The following PRMT7 variants were observed in gnomAD, a reference collection of about 807,000 sequenced individuals.
PRMT7 encodes protein arginine N-methyltransferase 7.
A neutral mutation model predicts 85.4 loss-of-function variants in PRMT7; 75 were observed. The ratio of observed to expected loss-of-function variants is 0.88; its 90% CI spans 0.73 to 1.06. The LOEUF is 1.06. PRMT7 is among the 50% of genes least tolerant of loss of function. The probability of loss-of-function intolerance (pLI) is 0.00; values close to 1 mark genes in which losing one functional copy is unlikely to be tolerated. For missense variants in PRMT7, 868 were observed against 915.2 expected, an observed-to-expected ratio of 0.95 and a Z score of 0.67; for synonymous variants, 397 against 359.5, an observed-to-expected ratio of 1.10 and a Z score of -1.18.
At chr16:68,324,462 A>G in intron 4 of PRMT7, 1 of 580,900 alleles carries the variant, frequency 1.7e-6, no homozygotes, top group Non-Finnish European at 3.1e-6. Flanking sequence ...TTAGTAGAGG[A>G]TAGAAGAGTG....
At position 68,357,339 on chromosome 16, in the gene PRMT7, A is replaced by G; in HGVS notation, c.*115A>G. 5 of 1,183,058 alleles carry G rather than the reference A, an allele frequency of 4.2e-6. No individual in the cohort carries two copies. Among genetic ancestry groups the G allele is most frequent in the Non-Finnish European group, 5.9e-6 (5 of 844,720 alleles). The allele number at this position is 1,183,058 out of a possible 1,614,324, so 73.3% of individuals were successfully genotyped here. ...CTCTGGGAGCTGCTCGGCCTCAGGG[A>G]TGGGAAAGACTGCGCCGTGTTGCAT... On this transcript the variant is annotated 3_prime_UTR_variant, in exon 19 of 19. Transcript: ENST00000441236.
Position 68,346,208 on chromosome 16 carries a change from C to G in PRMT7, c.1119C>G (p.Leu373=), listed in dbSNP as rs549647187. The G allele has an allele frequency of 1.1e-5, 17 of 1,614,202 alleles. No homozygotes were observed. In the South Asian group the frequency reaches 1.5e-4, roughly 15 times the overall value. ...RPVCDCQAHL[L]WNRPRFGEIN... ...TGTGTGACTGCCAGGCTCACCTGCT[C>G]TGGAACCGGCCTCGGTTTGGAGAGA... Residue 373 remains leucine, a synonymous_variant, in exon 11 of 19, where the codon CTC becomes CTG. Transcript: ENST00000441236.
chr16:68,339,093 G>C (rs566618451), intron 7 of PRMT7, among the ~76,000 whole-genome samples: 41 of 152,326 alleles, frequency 2.7e-4, no homozygotes, highest in Non-Finnish European at 5.6e-4. Flanking sequence ...GAACTTAGCT[G>C]ACAGAAGTCA....
intron 6 of PRMT7, among the ~76,000 whole-genome samples, chr16:68,334,094 A>G (rs781765355): frequency 1.3e-5 from 2 of 152,182 alleles, no homozygotes; most frequent in Admixed American, 6.5e-5. Flanking sequence ...TTTTCTTCAT[A>G]GCGCTTACCA....
At chr16:68,343,686 G>A (rs2085887151) in intron 9 of PRMT7, among the ~76,000 whole-genome samples, 1 of 152,222 alleles carries the variant, frequency 6.6e-6, no homozygotes, top group African/African-American at 2.4e-5. Context: ...TTTGCATAGT[G>A]TGGGAATGAA....
chr16:68,348,811 G>C (rs182368813), intron 14 of PRMT7, among the ~76,000 whole-genome samples: 2 of 145,610 alleles, frequency 1.4e-5, no homozygotes, highest in Admixed American at 6.7e-5. Flanking sequence ...GCTAATTTTT[G>C]TATTTTTTGT....
chr16:68,319,378 G>C (rs2082224453), intron 3 of PRMT7, among the ~76,000 whole-genome samples: 1 of 152,112 alleles, frequency 6.6e-6, no homozygotes, highest in African/African-American at 2.4e-5. Context: ...GAGGCACTGG[G>C]AAGTCCCAGA....
intron 3 of PRMT7, among the ~76,000 whole-genome samples, chr16:68,318,196 T>C (rs1330201189): frequency 1.5e-5 from 1 of 66,916 alleles, no homozygotes; most frequent in Non-Finnish European, 2.8e-5. Context: ...AAATATTTAC[T>C]TTTTTTTCTT....
In PRMT7 at chr16:68,339,893, T is replaced by G; in HGVS notation, c.852T>G (p.Ile284Met). Residue 284 changes from isoleucine to methionine, a missense_variant, in exon 9 of 19, where the codon ATT becomes ATG. Physicochemically the swap from Ile to Met is conservative, Grantham distance 10. Coordinates refer to ENST00000441236, the MANE Select transcript of PRMT7 (RefSeq NM_019023.5). ...RAQVVLSWWD[I>M]EMDPEGKIKC... ...AGGTGGTTCTCTCGTGGTGGGACAT[T>G]GAAATGGACCCTGAGGGGAAGATCA... is the stretch of plus-strand genomic sequence containing the variant. The G allele has an allele frequency of 6.2e-7, 1 of 1,614,130 alleles. No individual in the cohort carries two copies. Among genetic ancestry groups the G allele is most frequent in the South Asian group, 1.1e-5 (1 of 91,074 alleles).
downstream of PRMT7, chr16:68,360,564 TTTC>T (rs1812271223): frequency 6.5e-6 from 1 of 152,986 alleles, no homozygotes; most frequent in African/African-American, 2.4e-5. Context: ...TTTTTCTGTT[TTTC>T]TTTTTAAAAT....
chr16:68,342,992 G>A (rs963294253), intron 9 of PRMT7, among the ~76,000 whole-genome samples: 2 of 152,190 alleles, frequency 1.3e-5, no homozygotes, highest in African/African-American at 2.4e-5. Context: ...ATCACCTGAG[G>A]TCAGGAGTTC....
chr16:68,352,015 C>T (rs1304786225), intron 14 of PRMT7: 3 of 459,400 alleles, frequency 6.5e-6, no homozygotes, highest in East Asian at 3.8e-5. Context: ...GTAATCTTTA[C>T]AGCCTCCAGG....
At position 68,355,975 on chromosome 16, in the gene PRMT7, G is replaced by A. The variant is rs544008192; in HGVS notation, c.1811+92G>A. ...GGTGAGCACAGCTGGCCTGGGAGAC[G>A]CTGACACGTGGAGGGGGTATTCGTC... On this transcript the variant is annotated intron_variant, in intron 17 of 18. Transcript: ENST00000441236. The A allele has an allele frequency of 2.1e-4, 272 of 1,314,432 alleles. 1 individual carries two copies. The South Asian group carries it at 4.2e-3, about 20-fold the overall frequency. The allele number at this position is 1,314,432 out of a possible 1,614,324, so 81.4% of individuals were successfully genotyped here.
rs1203793119 is a variant in PRMT7, at chr16:68,353,506, C to G, written c.1590C>G (p.Ile530Met). The G allele has an allele frequency of 6.2e-7, 1 of 1,609,254 alleles. No homozygotes were observed. Among genetic ancestry groups the G allele is most frequent in the Non-Finnish European group, 8.5e-7 (1 of 1,178,018 alleles). The change falls in exon 16 of 19, where the codon ATC becomes ATG. Residue 530 changes from isoleucine (I) to methionine (M), a missense_variant. Ile to Met is a conservative substitution (Grantham distance 10). Coordinates refer to ENST00000441236, the MANE Select transcript of PRMT7 (RefSeq NM_019023.5). ...VVVEFRDLWR[I>M]RSPCGDCEGF... ...CTTCCTCACAGGACCTGTGGCGGAT[C>G]CGGAGCCCCTGTGGTGACTGCGAAG...
rs760387419 is a variant in PRMT7, at chr16:68,315,956, A to G, written c.-24A>G. 4 of 1,608,388 alleles carry G rather than the reference A, an allele frequency of 2.5e-6. No individual in the cohort carries two copies. Among genetic ancestry groups the G allele is most frequent in the South Asian group, 2.2e-5 (2 of 90,516 alleles). On this transcript the variant is annotated 5_prime_UTR_variant, in exon 3 of 19. Transcript: ENST00000441236. ...ACTGGCAAGGCTGCTTTTCTGTGCT[A>G]AAACTGGGGAGCTAGTGGGCACCAT...
At chr16:68,329,381 G>T in intron 6 of PRMT7, 1 of 414,948 alleles carries the variant, frequency 2.4e-6, no homozygotes, top group South Asian at 3.3e-5. Context: ...ACTAGAGCTA[G>T]TCAGGTCCAG....
intron 5 of PRMT7, among the ~76,000 whole-genome samples, chr16:68,325,282 C>G (rs527737925): frequency 9.9e-4 from 151 of 152,296 alleles, no homozygotes; most frequent in Middle Eastern, 3.4e-3. Flanking sequence ...ATCTCTTGAG[C>G]CCGGAAAGTC....
intron 4 of PRMT7, chr16:68,322,489 C>T (rs531745585): frequency 3.1e-5 from 13 of 419,050 alleles, no homozygotes; most frequent in African/African-American, 8.2e-5. Context: ...TGAGCTACTG[C>T]GCCCGGCCAT....
chr16:68,312,138 C>T lies in PRMT7; in HGVS notation c.-122C>T, dbSNP rs548788849. 2 of 151,156 alleles carry T rather than the reference C, an allele frequency of 1.3e-5. No individual in the cohort carries two copies. The highest frequency in any genetic ancestry group is 3.4e-3 in the Middle Eastern group (1 of 292). The allele number at this position is 151,156 out of a possible 1,614,324, so 9.4% of individuals were successfully genotyped here. ...TCAAGCGATCCTCACCTCGGCCTAC[C>T]GAGTAGCTGGGACTACAGGCACGCG... On this transcript the variant is annotated 5_prime_UTR_variant, in exon 2 of 19. Transcript: ENST00000441236.
Sources: gnomAD v4.1 joint callset for allele counts (sites outside exome capture counted in the v4.1 genomes callset) on GRCh38, gnomAD v4.1.1 for gene constraint, MANE v1.5 for transcripts, NCBI Gene and HGNC (gene_info 2026-07-23, HGNC 2026-07-21) for gene names.